The following NUP93 variants were observed in gnomAD, a reference collection of about 807,000 sequenced individuals.
The protein encoded by NUP93 is nucleoporin 93, also known as nuclear pore complex protein Nup93.
Under a neutral mutation model 107.8 loss-of-function variants are expected in NUP93, and 55 were observed. That is an observed-to-expected ratio of 0.51 (90% CI 0.41 to 0.64). The LOEUF (loss-of-function observed/expected upper bound fraction) is 0.64, where lower values mean the gene tolerates loss of function less well. Ranked by LOEUF, NUP93 falls within the 30% of genes least tolerant of loss-of-function variation. The probability of loss-of-function intolerance (pLI) is 0.00; values close to 1 mark genes in which losing one functional copy is unlikely to be tolerated. For synonymous variants in NUP93, 390 were observed against 397.5 expected (o/e 0.98, Z 0.22); for missense variants, 937 against 1,044.7 (o/e 0.90, Z 1.42).
intron 8 of NUP93, among the ~76,000 whole-genome samples, chr16:56,827,303 G>C (rs1398644933): frequency 6.6e-6 from 1 of 152,076 alleles, no homozygotes; most frequent in Non-Finnish European, 1.5e-5. Context: ...TAAGAAGCAT[G>C]CTAGCAAATA....
rs927390243 is a variant in NUP93 at position 56,773,599 on chromosome 16, A to G, written c.297+14944A>G. 4.6e-5 allele frequency among the ~76,000 whole-genome samples: 7 copies of G among 152,372 alleles called. No homozygotes were observed. In the East Asian group the frequency reaches 7.7e-4, roughly 17 times the overall value. The stretch of plus-strand genomic sequence containing the variant: ...GTGTGGCGCTCAGACCAGCAGCATC[A>G]GCATCACCTGGGAACTTTTAAGAAA... On this transcript the variant is annotated intron_variant, in intron 3 of 21. Coordinates refer to ENST00000308159, the MANE Select transcript of NUP93 (RefSeq NM_014669.5).
At chr16:56,759,494 A>G (rs1962086030) in intron 3 of NUP93, among the ~76,000 whole-genome samples, 1 of 152,204 alleles carries the variant, frequency 6.6e-6, no homozygotes, top group Non-Finnish European at 1.5e-5. Context: ...TCCTGCATTT[A>G]TTTGAATTCA....
At position 56,768,574 on chromosome 16, in the gene NUP93, A is replaced by T. The variant is rs541313643; in HGVS notation, c.297+9919A>T. On this transcript the variant is annotated intron_variant, in intron 3 of 21. Coordinates refer to ENST00000308159, the MANE Select transcript of NUP93 (RefSeq NM_014669.5). ...GCAAAACTCTGTCTCAAAAAAAAAA[A>T]TTTTTTTTTTTGGCCAGGTGTGGTG... 4.6e-3 allele frequency among the ~76,000 whole-genome samples: 618 copies of T among 133,900 alleles called. 14 individuals are homozygous for T. The highest frequency in any genetic ancestry group is 0.038 in the Admixed American group (503 of 13,086). The allele number at this position is 133,900 out of a possible 152,430, so 87.8% of individuals were successfully genotyped here. A position where few individuals can be genotyped will look rare whatever the true frequency, so the allele number is the denominator to read the frequency against.
Position 56,801,897 on chromosome 16 carries a change from C to G in NUP93, c.360+3359C>G, listed in dbSNP as rs8053044. On this transcript the variant is annotated intron_variant, in intron 4 of 21. Transcript: ENST00000308159. ...ATTAACAGGGAATGGTTAATTCCCACTGTTGTCATTCTGACCCTTACCTGA... is the reference window on the plus strand; with the variant it reads ...ATTAACAGGGAATGGTTAATTCCCAGTGTTGTCATTCTGACCCTTACCTGA... Among the ~76,000 whole-genome samples the G allele has an allele frequency of 5.8e-3, 888 of 152,316 alleles. 11 individuals are homozygous for G. Among genetic ancestry groups the G allele is most frequent in the African/African-American group, 0.02 (820 of 41,564 alleles).
At chr16:56,809,373 G>C (rs1376717298) in intron 5 of NUP93, among the ~76,000 whole-genome samples, 5 of 151,426 alleles carry the variant, frequency 3.3e-5, no homozygotes, top group Admixed American at 2.6e-4. Flanking sequence ...TAGTGATAAT[G>C]TAAAGCACCT....
chr16:56,742,051 G>A (rs529194802), intron 1 of NUP93, among the ~76,000 whole-genome samples: 18 of 152,298 alleles, frequency 1.2e-4, no homozygotes, highest in Admixed American at 2.0e-4. Context: ...GGGTGATAAG[G>A]AAAAGGGAAA....
intron 21 of NUP93, among the ~76,000 whole-genome samples, chr16:56,842,063 C>CT (rs1290795628): frequency 6.6e-6 from 1 of 152,186 alleles, no homozygotes; most frequent in African/African-American, 2.4e-5. Context: ...CAAATCTTAC[C>CT]TTTTAACAAA....
At chr16:56,737,719 G>T (rs1961635932) in intron 1 of NUP93, among the ~76,000 whole-genome samples, 1 of 150,152 alleles carries the variant, frequency 6.7e-6, no homozygotes, top group Non-Finnish European at 1.5e-5. Context: ...CTTTTCCATT[G>T]CTGTGTGTGG....
intron 3 of NUP93, chr16:56,781,913 C>T (rs1962522504): frequency 1.0e-6 from 1 of 985,186 alleles, no homozygotes; most frequent in African/African-American, 1.7e-5. Flanking sequence ...ATGCTGTGCT[C>T]CGGGGGCTGC....
intron 3 of NUP93, chr16:56,782,458 T>G (rs1166074865): frequency 6.5e-6 from 1 of 154,102 alleles, no homozygotes; most frequent in African/African-American, 2.4e-5. Context: ...GGGCAGAATT[T>G]GCTTAAATAT....
intron 3 of NUP93, among the ~76,000 whole-genome samples, chr16:56,776,001 TA>T (rs1391263183): frequency 6.6e-6 from 1 of 152,022 alleles, no homozygotes; most frequent in Non-Finnish European, 1.5e-5. Flanking sequence ...TTATTTTATA[TA>T]TTTTTTTTTT....
Position 56,848,799 on chromosome 16 carries a change from C to T in NUP93, c.*4190C>T, listed in dbSNP as rs557486142. 5 of 152,168 alleles carry T rather than the reference C, an allele frequency of 3.3e-5. No homozygotes were observed. Among genetic ancestry groups the T allele is most frequent in the African/African-American group, 7.2e-5 (3 of 41,436 alleles). 9.4% of individuals were successfully genotyped at this position (152,168 alleles called of 1,614,324 possible). On this transcript the variant is annotated 3_prime_UTR_variant, in exon 22 of 22. Transcript: ENST00000308159. The stretch of plus-strand genomic sequence containing the variant: ...TTCAAAACCTCTTTGTGTGCTGGGC[C>T]GTGCTAGGTAGCTGGAATATCTGAG...
intron 2 of NUP93, 65 bp from the exon 3 acceptor site, chr16:56,758,473 G>T (rs1298310584): frequency 8.5e-6 from 10 of 1,183,046 alleles, no homozygotes; most frequent in Non-Finnish European, 1.3e-5. Context: ...AAGCATATTA[G>T]ATGTCCTAAT....
At chr16:56,800,136 TC>T (rs1962989120) in intron 4 of NUP93, among the ~76,000 whole-genome samples, 1 of 152,180 alleles carries the variant, frequency 6.6e-6, no homozygotes, top group Non-Finnish European at 1.5e-5. Context: ...TGAGCTGAGA[TC>T]GTGCCACTGC....
chr16:56,827,372 G>A (rs764145552), intron 8 of NUP93, among the ~76,000 whole-genome samples: 2 of 152,166 alleles, frequency 1.3e-5, no homozygotes, highest in Non-Finnish European at 1.5e-5. Context: ...AATAACTGGT[G>A]CGGCAAGGAC....
chr16:56,843,903 T>C (rs1281127227), intron 21 of NUP93, among the ~76,000 whole-genome samples: 1 of 152,204 alleles, frequency 6.6e-6, no homozygotes, highest in Non-Finnish European at 1.5e-5. Context: ...GCCACCTTTT[T>C]CCATCCTGAA....
chr16:56,741,877 A>G (rs1376248657), intron 1 of NUP93: 1 of 152,236 alleles, frequency 6.6e-6, no homozygotes, highest in Non-Finnish European at 1.5e-5. Context: ...GTTTGATTAT[A>G]TTGAAATTCT....
rs1185607323 is a variant in NUP93, at chr16:56,748,376, G to A, written c.129G>A (p.Leu43=). Residue 43 remains leucine (L), a synonymous_variant, in exon 2 of 22, where the codon CTG becomes CTA. Transcript: ENST00000308159. ...AGATCCAGCAGGCGGGAGAGCGCCTGCGTTCCCGTACCCTAACACGCACGT... is the reference window on the plus strand; with the variant it reads ...AGATCCAGCAGGCGGGAGAGCGCCTACGTTCCCGTACCCTAACACGCACGT... ...LQEIQQAGER[L]RSRTLTRTSQ... 1.2e-6 allele frequency: 2 copies of A among 1,614,032 alleles called. No individual in the cohort carries two copies. The highest frequency in any genetic ancestry group is 1.7e-6 in the Non-Finnish European group (2 of 1,180,022).
At position 56,844,550 on chromosome 16, in the gene NUP93, T is replaced by C. The variant is rs140923104; in HGVS notation, c.2401T>C (p.Tyr801His). The C allele has an allele frequency of 1.3e-6, 2 of 1,575,880 alleles. No homozygotes were observed. The highest frequency in any genetic ancestry group is 2.7e-5 in the African/African-American group (2 of 72,906). The change falls in exon 22 of 22, where the codon TAC becomes CAC. Residue 801 changes from tyrosine to histidine, a missense_variant. By Grantham distance (83) the Tyr-to-His change is moderately conservative. Coordinates refer to ENST00000308159, the MANE Select transcript of NUP93 (RefSeq NM_014669.5). ...TLITFAGMIP[Y>H]RTSGDTNARL... ...GATTACCTTTGCTGGAATGATACCA[T>C]ACCGAACGTCTGGGGACACCAATGC...
Sources: gnomAD v4.1 joint callset for allele counts (sites outside exome capture counted in the v4.1 genomes callset) on GRCh38, gnomAD v4.1.1 for gene constraint, MANE v1.5 for transcripts, NCBI Gene and HGNC (gene_info 2026-07-23, HGNC 2026-07-21) for gene names.